MAN1A2: variants seen among roughly 807,000 people sequenced by gnomAD.
MAN1A2 encodes mannosyl-oligosaccharide 1,2-alpha-mannosidase IB.
Under a neutral mutation model 75.7 loss-of-function variants are expected in MAN1A2, and 26 were observed. The ratio of observed to expected loss-of-function variants is 0.34; its 90% CI spans 0.25 to 0.48. The LOEUF is 0.48. Ranked by LOEUF, MAN1A2 falls within the 20% of genes least tolerant of loss-of-function variation. The probability of loss-of-function intolerance (pLI) is 0.99; values close to 1 mark genes in which losing one functional copy is unlikely to be tolerated. For missense variants in MAN1A2, 562 were observed against 775.5 expected, an observed-to-expected ratio of 0.72 and a Z score of 3.27; for synonymous variants, 247 against 264.6, an observed-to-expected ratio of 0.93 and a Z score of 0.65.
At position 117,431,858 on chromosome 1, in the gene MAN1A2, G is replaced by A. The variant is rs12093047; in HGVS notation, c.856-10373G>A. Reference sequence around the variant, plus strand: ...CCAGCTACTCAGGATGCTGAGGTGAGAGGATTGCTTGAGCCTAGGAGGTTG... The same window carrying A: ...CCAGCTACTCAGGATGCTGAGGTGAAAGGATTGCTTGAGCCTAGGAGGTTG... On this transcript the variant is annotated intron_variant, in intron 5 of 12. Transcript: ENST00000356554. Among the ~76,000 whole-genome samples the A allele has an allele frequency of 3.8e-3, 585 of 152,278 alleles. 7 individuals are homozygous for A. Among genetic ancestry groups the A allele is most frequent in the African/African-American group, 0.013 (555 of 41,548 alleles).
intron 10 of MAN1A2, among the ~76,000 whole-genome samples, chr1:117,497,183 GCTGTTT>G (rs1651057744): frequency 6.6e-6 from 1 of 151,886 alleles, no homozygotes; most frequent in Non-Finnish European, 1.5e-5. Flanking sequence ...GAATTCTGCT[GCTGTTT>G]CTGTTAAAGA....
chr1:117,473,434 A>G (rs1388747423), intron 8 of MAN1A2, among the ~76,000 whole-genome samples: 1 of 151,996 alleles, frequency 6.6e-6, no homozygotes, highest in Non-Finnish European at 1.5e-5. Flanking sequence ...TCTATTCCTA[A>G]TACAGGAGCC....
chr1:117,522,746 C>G, intron 12 of MAN1A2, 79 bp from the exon 13 acceptor site: 1 of 1,255,142 alleles, frequency 8.0e-7, no homozygotes, highest in South Asian at 1.3e-5. Context: ...TATTGGTTTT[C>G]TGTGCCATTA....
intron 8 of MAN1A2, among the ~76,000 whole-genome samples, chr1:117,479,868 T>C (rs894323128): frequency 2.0e-5 from 3 of 151,934 alleles, no homozygotes; most frequent in Non-Finnish European, 4.4e-5. Context: ...TGAACTTTGC[T>C]TAGGGTTACA....
chr1:117,417,707 C>T (rs1648050055), intron 4 of MAN1A2, among the ~76,000 whole-genome samples: 1 of 125,052 alleles, frequency 8.0e-6, no homozygotes, highest in Non-Finnish European at 1.6e-5. Context: ...CACACACACA[C>T]TCTCTCTCTC....
At chr1:117,502,667 A>T (rs751607733) in intron 11 of MAN1A2, among the ~76,000 whole-genome samples, 188 bp from the exon 12 acceptor site, 1 of 151,754 alleles carries the variant, frequency 6.6e-6, no homozygotes, top group Non-Finnish European at 1.5e-5. Context: ...TATAGGAAAC[A>T]TCCTGTTTCT....
At chr1:117,376,746 C>T (rs1179531394) in intron 1 of MAN1A2, among the ~76,000 whole-genome samples, 1 of 152,202 alleles carries the variant, frequency 6.6e-6, no homozygotes, top group Non-Finnish European at 1.5e-5. Flanking sequence ...TGTGTGGATT[C>T]AACCAACTGC....
Position 117,469,323 on chromosome 1 carries a change from A to T in MAN1A2, c.1168+2896A>T, listed in dbSNP as rs181742988. ...AAAATTAACTCAAAACAGATCAAAG[A>T]CTCTAAATTTGAGAACCAAAACTGT... is the stretch of plus-strand genomic sequence containing the variant. On this transcript the variant is annotated intron_variant, in intron 8 of 12. Transcript: ENST00000356554. Among the ~76,000 whole-genome samples the T allele has an allele frequency of 7.4e-4, 112 of 152,220 alleles. 1 individual carries two copies. The highest frequency in any genetic ancestry group is 2.6e-3 in the African/African-American group (109 of 41,546).
At chr1:117,456,366 A>T (rs970329128) in intron 6 of MAN1A2, among the ~76,000 whole-genome samples, 11 of 152,078 alleles carry the variant, frequency 7.2e-5, no homozygotes, top group African/African-American at 2.2e-4. Flanking sequence ...TGTGTTGTTC[A>T]TAAGAGTACA....
intron 12 of MAN1A2, among the ~76,000 whole-genome samples, chr1:117,507,758 A>G (rs573021148): frequency 1.3e-4 from 20 of 151,802 alleles, no homozygotes; most frequent in Admixed American, 1.3e-3. Flanking sequence ...GTTTAAAGAC[A>G]CTTGGTTGGA....
intron 6 of MAN1A2, among the ~76,000 whole-genome samples, chr1:117,448,533 A>G (rs887609286): frequency 1.2e-4 from 19 of 152,182 alleles, no homozygotes; most frequent in Admixed American, 4.6e-4. Context: ...AAAAGGACCA[A>G]AGTGGAACTT....
chr1:117,505,216 C>T (rs1432872005), intron 12 of MAN1A2, among the ~76,000 whole-genome samples: 1 of 151,396 alleles, frequency 6.6e-6, no homozygotes, highest in East Asian at 1.9e-4. Context: ...ATGCCTCTCT[C>T]TCATTTCTAA....
intron 1 of MAN1A2, among the ~76,000 whole-genome samples, chr1:117,377,670 AG>A (rs1653198133): frequency 6.7e-6 from 1 of 149,872 alleles, no homozygotes; most frequent in South Asian, 2.1e-4. Context: ...ATATATACAA[AG>A]GGTTTCTTTG....
intron 8 of MAN1A2, among the ~76,000 whole-genome samples, chr1:117,492,024 G>A (rs891143315): frequency 9.9e-5 from 15 of 152,210 alleles, no homozygotes; most frequent in African/African-American, 3.4e-4. Context: ...TACTCCTGGT[G>A]AAGAAGCTGT....
At chr1:117,419,198 G>A (rs879939275) in intron 4 of MAN1A2, among the ~76,000 whole-genome samples, 8 of 152,034 alleles carry the variant, frequency 5.3e-5, no homozygotes, top group African/African-American at 9.7e-5. Context: ...TGAAGGCATC[G>A]TAGGGGTTTG....
In MAN1A2 at chr1:117,433,916, C is replaced by G. The variant is rs528837492; in HGVS notation, c.856-8315C>G. 3.3e-5 allele frequency among the ~76,000 whole-genome samples: 5 copies of G among 152,240 alleles called. No homozygotes were observed. In the South Asian group the frequency reaches 6.2e-4, roughly 19 times the overall value. On this transcript the variant is annotated intron_variant, in intron 5 of 12. Coordinates refer to ENST00000356554, the MANE Select transcript of MAN1A2 (RefSeq NM_006699.5). Reference sequence around the variant, plus strand: ...ATACTACCTGAGTAACAAGAAAGGCCGTGTTGCTTACTACCTTAGTTGCAG... The same window carrying G: ...ATACTACCTGAGTAACAAGAAAGGCGGTGTTGCTTACTACCTTAGTTGCAG...
chr1:117,429,546 T>C (rs1420461235), intron 5 of MAN1A2, among the ~76,000 whole-genome samples: 1 of 69,204 alleles, frequency 1.4e-5, no homozygotes, highest in Admixed American at 1.4e-4. Flanking sequence ...CCCCCCCACC[T>C]CCCTCCCGGA....
chr1:117,374,522 A>T (rs1380090676), intron 1 of MAN1A2, among the ~76,000 whole-genome samples: 2 of 152,180 alleles, frequency 1.3e-5, no homozygotes, highest in Non-Finnish European at 2.9e-5. Context: ...TTAAAAAAAA[A>T]ATCTCCTTCA....
Position 117,508,555 on chromosome 1 carries a change from A to C in MAN1A2, c.1793+5585A>C, listed in dbSNP as rs1327459653. Among the ~76,000 whole-genome samples the C allele has an allele frequency of 2.8e-4, 42 of 151,602 alleles. No individual in the cohort carries two copies. The Admixed American group carries it at 2.8e-3, about 10-fold the overall frequency. On this transcript the variant is annotated intron_variant, in intron 12 of 12. Transcript: ENST00000356554. ...TATTCTTATATATACTTATATACTT[A>C]AGAATAAGTAATCTTAAATAATCAG...
Sources: gnomAD v4.1 joint callset for allele counts (sites outside exome capture counted in the v4.1 genomes callset) on GRCh38, gnomAD v4.1.1 for gene constraint, MANE v1.5 for transcripts, NCBI Gene and HGNC (gene_info 2026-07-23, HGNC 2026-07-21) for gene names.